PTK2B: variants seen among roughly 807,000 people sequenced by gnomAD.
PTK2B encodes the protein protein-tyrosine kinase 2-beta.
A neutral mutation model predicts 142.9 loss-of-function variants in PTK2B; 71 were observed. The observed-to-expected ratio is 0.50, with a 90% CI of 0.41 to 0.61. PTK2B has a LOEUF of 0.61. Ranked by LOEUF, PTK2B falls within the 20% of genes least tolerant of loss-of-function variation. The pLI is 0.00. For synonymous variants in PTK2B, 519 were observed against 503.4 expected (o/e 1.03, Z -0.42); for missense variants, 1,105 against 1,320.4 (o/e 0.84, Z 2.53).
chr8:27,358,965 A>G (rs927918800), intron 1 of PTK2B, among the ~76,000 whole-genome samples: 12 of 151,856 alleles, frequency 7.9e-5, no homozygotes, highest in Non-Finnish European at 1.3e-4. Context: ...TGGCACTTTG[A>G]CTCTAATCTT....
chr8:27,330,153 G>T (rs904311591), intron 1 of PTK2B, among the ~76,000 whole-genome samples: 1 of 152,102 alleles, frequency 6.6e-6, no homozygotes, highest in African/African-American at 2.4e-5. Flanking sequence ...AGATGCACCC[G>T]CTTAATAATA....
chr8:27,385,915 A>G (rs1372860632), intron 1 of PTK2B, among the ~76,000 whole-genome samples: 2 of 146,614 alleles, frequency 1.4e-5, no homozygotes, highest in African/African-American at 5.0e-5. Context: ...AAAAAAAGAC[A>G]GTATCCGAGG....
At chr8:27,344,567 T>A (rs1316723538) in intron 1 of PTK2B, among the ~76,000 whole-genome samples, 1 of 152,254 alleles carries the variant, frequency 6.6e-6, no homozygotes, top group Non-Finnish European at 1.5e-5. Flanking sequence ...AGCTGTTACT[T>A]GTATTGATGG....
chr8:27,375,778 CATGTCCACTT>C (rs1391221336), intron 1 of PTK2B, among the ~76,000 whole-genome samples: 1 of 152,202 alleles, frequency 6.6e-6, no homozygotes, highest in Non-Finnish European at 1.5e-5. Flanking sequence ...AGAAGCGTGC[CATGTCCACTT>C]ATGTCTGGTT....
chr8:27,370,207 A>G (rs896902604), intron 1 of PTK2B, among the ~76,000 whole-genome samples: 2 of 152,226 alleles, frequency 1.3e-5, no homozygotes, highest in African/African-American at 2.4e-5. Context: ...CGATGCTGCA[A>G]GAGACAGAGA....
In PTK2B at chr8:27,450,912, G is replaced by A. The variant is rs1811764160; in HGVS notation, c.2487+17G>A. The A allele has an allele frequency of 6.2e-7, 1 of 1,614,002 alleles. No homozygotes were observed. The highest frequency in any genetic ancestry group is 1.1e-5 in the South Asian group (1 of 91,088). ...AAGTCCCTGGTGAGCACCCCAGGAA[G>A]GATGTCGGTGCCCTGCACCCATCTG... On this transcript the variant is annotated intron_variant, in intron 25 of 30. Transcript: ENST00000346049.
Position 27,458,393 on chromosome 8 carries a change from T to G in PTK2B, c.2914T>G (p.Cys972Gly), listed in dbSNP as rs1298631190. The change falls in exon 31 of 31, where the codon TGC (cysteine) becomes GGC (glycine). Residue 972 changes from cysteine (C) to glycine (G), a missense_variant. By Grantham distance (159) the Cys-to-Gly change is radical. Coordinates refer to ENST00000346049, the MANE Select transcript of PTK2B (RefSeq NM_173176.3). The stretch of plus-strand genomic sequence containing the variant: ...CGCCGTGACCTCCCTAAGTGAGGAG[T>G]GCAAGAGGCAGATGCTGACGGCTTC... ...QNAVTSLSEE[C>G]KRQMLTASHT... The G allele has an allele frequency of 6.2e-7, 1 of 1,613,302 alleles. No individual in the cohort carries two copies. The highest frequency in any genetic ancestry group is 1.1e-5 in the South Asian group (1 of 90,874).
upstream of PTK2B, among the ~76,000 whole-genome samples, chr8:27,323,599 T>C (rs1380151657): frequency 6.6e-6 from 1 of 152,158 alleles, no homozygotes; most frequent in East Asian, 1.9e-4. Flanking sequence ...GGGATTTCCA[T>C]GGAATTTGAG....
rs140566325 is a variant in PTK2B, at chr8:27,415,080, TTTTG to T, written c.205-4803_205-4800del. 7.7e-4 allele frequency among the ~76,000 whole-genome samples: 118 copies of T among 152,318 alleles called. 1 individual carries two copies. The East Asian group carries it at 0.018, about 24-fold the overall frequency. ...TATTTTGTTGTTTGGGGGGCTGTTTTTTTGTTTGTTTGTTTTTTAGTATTTACCT... is the reference window on the plus strand; with the variant it reads ...TATTTTGTTGTTTGGGGGGCTGTTTTTTTGTTTGTTTTTTAGTATTTACCT... On this transcript the variant is annotated intron_variant, in intron 2 of 30. Transcript: ENST00000346049.
intron 3 of PTK2B, among the ~76,000 whole-genome samples, chr8:27,313,578 C>T (rs540601587): frequency 3.3e-5 from 5 of 152,302 alleles, no homozygotes; most frequent in South Asian, 4.1e-4. Context: ...TCATTCTTCC[C>T]TCAGTGTGAG....
In PTK2B at chr8:27,420,725, T is replaced by A; in HGVS notation, c.452T>A (p.Leu151Gln). ...AGCCTGAAGGAGGACAGGACCACGC[T>A]GCTCTATTTTTACCAACAGGTAAAA... is the stretch of plus-strand genomic sequence containing the variant. ...MESLKEDRTT[L>Q]LYFYQQLRND... Residue 151 changes from leucine (L) to glutamine (Q), a missense_variant, in exon 4 of 31, where the codon CTG (leucine) becomes CAG (glutamine). By Grantham distance (113) the Leu-to-Gln change is moderately radical. Coordinates refer to ENST00000346049, the MANE Select transcript of PTK2B (RefSeq NM_173176.3). 1 of 1,613,674 alleles carries A rather than the reference T, an allele frequency of 6.2e-7. No individual in the cohort carries two copies. Among genetic ancestry groups the A allele is most frequent in the Non-Finnish European group, 8.5e-7 (1 of 1,179,554 alleles).
intron 1 of PTK2B, among the ~76,000 whole-genome samples, chr8:27,372,458 A>C (rs1400814319): frequency 6.6e-6 from 1 of 152,174 alleles, no homozygotes; most frequent in African/African-American, 2.4e-5. Context: ...CTTCTTACTC[A>C]GCAGGGGGGT....
At chr8:27,420,870 T>A in intron 4 of PTK2B, 126 bp downstream of exon 4, 1 of 864,084 alleles carries the variant, frequency 1.2e-6, no homozygotes, top group Non-Finnish European at 1.8e-6. Context: ...GCTAGGAAGC[T>A]TCTCTTGAAG....
chr8:27,320,316 C>T (rs1803183519), intron 3 of PTK2B, among the ~76,000 whole-genome samples: 1 of 152,146 alleles, frequency 6.6e-6, no homozygotes, highest in South Asian at 2.1e-4. Flanking sequence ...GGAAAAGTCC[C>T]ACAACACTGA....
At chr8:27,358,738 C>G (rs1042545773) in intron 1 of PTK2B, among the ~76,000 whole-genome samples, 2 of 152,034 alleles carry the variant, frequency 1.3e-5, no homozygotes, top group African/African-American at 4.8e-5. Flanking sequence ...CACCTCTTGC[C>G]TTTCACTGTA....
chr8:27,344,026 A>T (rs935476309), intron 1 of PTK2B, among the ~76,000 whole-genome samples: 2 of 152,094 alleles, frequency 1.3e-5, no homozygotes, highest in South Asian at 2.1e-4. Context: ...AATAAAAAAT[A>T]AAAAAATAAA....
At chr8:27,430,725 T>G in intron 7 of PTK2B, 151 bp from the exon 8 acceptor site, 1 of 1,171,026 alleles carries the variant, frequency 8.5e-7, no homozygotes, top group Non-Finnish European at 1.2e-6. Context: ...ACAATGGGTA[T>G]GGGTTTTAGG....
intron 1 of PTK2B, among the ~76,000 whole-genome samples, chr8:27,362,518 A>G (rs1805772457): frequency 6.6e-6 from 1 of 152,112 alleles, no homozygotes; most frequent in Non-Finnish European, 1.5e-5. Context: ...TGTGGGGAGC[A>G]GGGTTCTCTG....
chr8:27,350,850 C>T (rs1805007807), intron 1 of PTK2B, among the ~76,000 whole-genome samples: 1 of 149,606 alleles, frequency 6.7e-6, no homozygotes, highest in Non-Finnish European at 1.5e-5. Flanking sequence ...GTGGCACATG[C>T]CTGTAATCCC....
Sources: gnomAD v4.1 joint callset for allele counts (sites outside exome capture counted in the v4.1 genomes callset) on GRCh38, gnomAD v4.1.1 for gene constraint, MANE v1.5 for transcripts, NCBI Gene and HGNC (gene_info 2026-07-23, HGNC 2026-07-21) for gene names.